GSG1L: variants seen among roughly 807,000 people sequenced by gnomAD.
GSG1L encodes GSG1 like.
In GSG1L, 24 loss-of-function variants were observed where a neutral mutation model predicts 42.1. The ratio of observed to expected loss-of-function variants is 0.57; its 90% CI spans 0.41 to 0.80. The LOEUF (loss-of-function observed/expected upper bound fraction) is 0.80, where lower values mean the gene tolerates loss of function less well. Among genes scored for constraint, GSG1L ranks in the 30% least tolerant of loss-of-function variants. The pLI is 0.00. For missense variants in GSG1L, 445 were observed against 472.2 expected (o/e 0.94, Z 0.53); for synonymous variants, 215 against 203.5 (o/e 1.06, Z -0.48).
chr16:27,868,969 A>G (rs1161287269), intron 3 of GSG1L, among the ~76,000 whole-genome samples: 1 of 147,198 alleles, frequency 6.8e-6, no homozygotes, highest in African/African-American at 2.7e-5. Flanking sequence ...AAGGCTTCCA[A>G]GGTGAGCTTG....
chr16:27,807,602 G>A, intron 5 of GSG1L, 48 bp from the exon 6 acceptor site: 1 of 1,527,252 alleles, frequency 6.5e-7, no homozygotes, highest in Non-Finnish European at 8.9e-7. Flanking sequence ...GGAAAGAGAA[G>A]GATGAGTGGG....
chr16:27,935,563 C>T (rs1670876336), intron 2 of GSG1L, among the ~76,000 whole-genome samples: 1 of 152,106 alleles, frequency 6.6e-6, no homozygotes, highest in Non-Finnish European at 1.5e-5. Flanking sequence ...CTGGGCAGGG[C>T]TGCTTCACAG....
chr16:27,900,148 GACAGA>G (rs1454697938), intron 2 of GSG1L, among the ~76,000 whole-genome samples: 1 of 152,188 alleles, frequency 6.6e-6, no homozygotes, highest in Non-Finnish European at 1.5e-5. Context: ...TGGGAATGCA[GACAGA>G]ACAGGACTTG....
intron 5 of GSG1L, among the ~76,000 whole-genome samples, chr16:27,818,695 G>T (rs1268124267): frequency 1.3e-5 from 2 of 152,090 alleles, no homozygotes; most frequent in African/African-American, 4.8e-5. Flanking sequence ...GGAATTTTGG[G>T]CAAATAAATG....
chr16:27,955,920 G>A (rs182929140), intron 2 of GSG1L, among the ~76,000 whole-genome samples: 1 of 139,224 alleles, frequency 7.2e-6, no homozygotes, highest in South Asian at 2.1e-4. Context: ...AAGGAAGGAA[G>A]GAAGGAAAGA....
chr16:27,948,908 C>CTGTTATTATTATTATTAT (rs2084919050), intron 2 of GSG1L, among the ~76,000 whole-genome samples: 1 of 141,360 alleles, frequency 7.1e-6, no homozygotes, highest in Non-Finnish European at 1.5e-5. Flanking sequence ...CGCACCTGAT[C>CTGTTATTATTATTATTAT]TATTATTATT....
intron 1 of GSG1L, among the ~76,000 whole-genome samples, chr16:28,014,650 C>T (rs566918187): frequency 2.3e-4 from 32 of 138,054 alleles, no homozygotes; most frequent in South Asian, 9.5e-4. Flanking sequence ...ACTACAGGCA[C>T]GCTATTTTTT....
intron 1 of GSG1L, among the ~76,000 whole-genome samples, chr16:27,976,783 T>C (rs1234091538): frequency 2.0e-5 from 3 of 152,194 alleles, no homozygotes; most frequent in African/African-American, 7.2e-5. Context: ...TCTCTGTTTC[T>C]CTAAGTCTGA....
chr16:27,998,027 T>C (rs1346593234), intron 1 of GSG1L, among the ~76,000 whole-genome samples: 2 of 152,060 alleles, frequency 1.3e-5, no homozygotes, highest in Non-Finnish European at 2.9e-5. Flanking sequence ...TCCCAGCTTT[T>C]TGTATTTTTA....
chr16:28,016,053 C>T (rs1386108239), intron 1 of GSG1L, among the ~76,000 whole-genome samples: 1 of 152,296 alleles, frequency 6.6e-6, no homozygotes, highest in East Asian at 1.9e-4. Flanking sequence ...TGTAGTGGCA[C>T]AGCCTCGGCT....
At chr16:27,823,868 T>G (rs1280765587) in intron 5 of GSG1L, 1 of 702,976 alleles carries the variant, frequency 1.4e-6, no homozygotes, top group Non-Finnish European at 2.6e-6. Flanking sequence ...TTACCAGCTG[T>G]GTGACCTGGG....
chr16:27,879,896 T>A (rs990606595), intron 3 of GSG1L, among the ~76,000 whole-genome samples: 1 of 151,852 alleles, frequency 6.6e-6, no homozygotes, highest in African/African-American at 2.4e-5. Flanking sequence ...CGCTCTGGGG[T>A]TGGTGGAATC....
intron 2 of GSG1L, among the ~76,000 whole-genome samples, chr16:27,925,528 A>G (rs149233526): frequency 4.3e-4 from 65 of 152,332 alleles, no homozygotes; most frequent in African/African-American, 1.5e-3. Context: ...AAGAAAATAG[A>G]CACAGAAAAG....
intron 4 of GSG1L, among the ~76,000 whole-genome samples, chr16:27,844,023 A>ATGAC (rs1195393414): frequency 2.0e-5 from 3 of 152,206 alleles, no homozygotes; most frequent in Non-Finnish European, 4.4e-5. Context: ...CCAAGCTCAG[A>ATGAC]TGACTATACA....
chr16:27,824,136 G>A (rs1398015544), intron 5 of GSG1L, among the ~76,000 whole-genome samples: 2 of 152,182 alleles, frequency 1.3e-5, no homozygotes, highest in African/African-American at 4.8e-5. Flanking sequence ...AGGAGCAGAA[G>A]GGACAGGAAC....
At chr16:27,829,765 A>G (rs914928385) in intron 4 of GSG1L, among the ~76,000 whole-genome samples, 1 of 152,204 alleles carries the variant, frequency 6.6e-6, no homozygotes, top group Non-Finnish European at 1.5e-5. Context: ...GGTTGTTACA[A>G]GGATTAAAGG....
chr16:27,858,561 G>T (rs373398215), intron 3 of GSG1L, among the ~76,000 whole-genome samples: 4 of 152,164 alleles, frequency 2.6e-5, no homozygotes, highest in Non-Finnish European at 5.9e-5. Context: ...CTGTCTTCAT[G>T]GTTTAGGAAA....
In GSG1L at chr16:28,063,134, G is replaced by A; in HGVS notation, c.291C>T (p.Leu97=). The part of the protein sequence containing the change: ...YSWETGDDRF[L]FRNFHTGIWY... Reference sequence around the variant, plus strand: ...AGATGCCGGTGTGGAAATTCCTGAAGAGGAAGCGGTCGTCGCCGGTCTCCC... The same window carrying A: ...AGATGCCGGTGTGGAAATTCCTGAAAAGGAAGCGGTCGTCGCCGGTCTCCC... The change falls in exon 1 of 7, where the codon CTC becomes CTT. Residue 97 remains leucine, a synonymous_variant. Transcript: ENST00000447459. The surrounding 1 kb of genome is among the most constrained non-coding windows in gnomAD (Gnocchi z 5.8). The A allele has an allele frequency of 7.0e-7, 1 of 1,438,738 alleles. No homozygotes were observed. Among genetic ancestry groups the A allele is most frequent in the Non-Finnish European group, 9.2e-7 (1 of 1,090,638 alleles). 89.1% of individuals were successfully genotyped at this position (1,438,738 alleles called of 1,614,324 possible).
chr16:27,996,621 T>C (rs1298135520), intron 1 of GSG1L, among the ~76,000 whole-genome samples: 3 of 152,208 alleles, frequency 2.0e-5, no homozygotes, highest in Admixed American at 6.5e-5. Flanking sequence ...CCAGAATAAG[T>C]CTACAGAACT....
Sources: allele counts gnomAD v4.1 joint callset (sites outside exome capture counted in the v4.1 genomes callset), GRCh38; gene constraint gnomAD v4.1.1; non-coding constraint Gnocchi (gnomAD v3.1); transcripts MANE v1.5; gene names NCBI Gene and HGNC (gene_info 2026-07-23, HGNC 2026-07-21).